Variants in MRTFB observed in about 807,000 individuals in gnomAD.
The protein encoded by MRTFB is myocardin-related transcription factor B.
Under a neutral mutation model 104.2 loss-of-function variants are expected in MRTFB, and 29 were observed. The ratio of observed to expected loss-of-function variants is 0.28; its 90% CI spans 0.21 to 0.38. The LOEUF (loss-of-function observed/expected upper bound fraction) is 0.38. MRTFB is among the 10% of genes least tolerant of loss of function. The pLI is 1.00. For synonymous variants in MRTFB, 535 were observed against 519.5 expected, an observed-to-expected ratio of 1.03 and a Z score of -0.41; for missense variants, 1,270 against 1,341.6, an observed-to-expected ratio of 0.95 and a Z score of 0.83.
chr16:14,189,542 A>G (rs939877086), intron 3 of MRTFB, among the ~76,000 whole-genome samples: 5 of 152,212 alleles, frequency 3.3e-5, no homozygotes, highest in Admixed American at 6.5e-5. Flanking sequence ...ACTATTAATA[A>G]TCCCTAATAG....
chr16:14,144,635 A>G (rs2038199152), intron 3 of MRTFB: 1 of 151,878 alleles, frequency 6.6e-6, no homozygotes, highest in East Asian at 1.9e-4. Flanking sequence ...TACATATTTC[A>G]AAAAAAAGTA....
rs1455667439 is a variant in MRTFB, at chr16:14,208,637, C to G, written c.155-1606C>G. 2.0e-5 allele frequency among the ~76,000 whole-genome samples: 3 copies of G among 152,102 alleles called. No homozygotes were observed. The East Asian group carries it at 5.8e-4, about 29-fold the overall frequency. On this transcript the variant is annotated intron_variant, in intron 3 of 16. Transcript: ENST00000571589. ...GATTCTGCTTCTTGAATATGATTAT[C>G]TTAAATGCAGACAAGCATTTACTTT...
intron 4 of MRTFB, among the ~76,000 whole-genome samples, chr16:14,211,262 T>TCCACCA (rs371631727): frequency 6.6e-6 from 1 of 151,980 alleles, no homozygotes; most frequent in Non-Finnish European, 1.5e-5. Context: ...GCCAGATTTC[T>TCCACCA]CCACCACCAC....
At chr16:14,205,290 C>T (rs1040793136) in intron 3 of MRTFB, among the ~76,000 whole-genome samples, 1 of 152,044 alleles carries the variant, frequency 6.6e-6, no homozygotes, top group African/African-American at 2.4e-5. Flanking sequence ...ATGCCTGGGA[C>T]CCAGGCTAGT....
At position 14,262,152 on chromosome 16, in the gene MRTFB, A is replaced by G. The variant is rs191527046; in HGVS notation, c.*708A>G. Reference sequence around the variant, plus strand: ...AAAATACTGTCAGAAGTCCAGGTATACTGATAACACTGAAAATTCTATTAG... The same window carrying G: ...AAAATACTGTCAGAAGTCCAGGTATGCTGATAACACTGAAAATTCTATTAG... On this transcript the variant is annotated 3_prime_UTR_variant, in exon 17 of 17. Transcript: ENST00000571589. 3.3e-5 allele frequency: 5 copies of G among 152,364 alleles called. No homozygotes were observed. Among genetic ancestry groups the G allele is most frequent in the Admixed American group, 3.3e-4 (5 of 15,306 alleles). 9.4% of individuals were successfully genotyped at this position (152,364 alleles called of 1,614,324 possible). A position where few individuals can be genotyped will look rare whatever the true frequency, so the allele number is the denominator to read the frequency against.
At chr16:14,169,481 ATT>A (rs2039353990) in intron 3 of MRTFB, among the ~76,000 whole-genome samples, 1 of 152,060 alleles carries the variant, frequency 6.6e-6, no homozygotes, top group South Asian at 2.1e-4. Flanking sequence ...TAATTATGAA[ATT>A]TTGGAGTTTT....
At chr16:14,164,236 C>T (rs1476050261) in intron 3 of MRTFB, among the ~76,000 whole-genome samples, 8 of 152,132 alleles carry the variant, frequency 5.3e-5, no homozygotes, top group South Asian at 2.1e-4. Flanking sequence ...CCTTCTCAGC[C>T]GCAGAACTAT....
intron 3 of MRTFB, among the ~76,000 whole-genome samples, chr16:14,164,196 A>G (rs552987351): frequency 1.3e-5 from 2 of 152,208 alleles, no homozygotes; most frequent in African/African-American, 2.4e-5. Flanking sequence ...ATCTCTCTTC[A>G]TCCCCAGCAC....
At chr16:14,250,250 G>A (rs1017502891) in intron 13 of MRTFB, among the ~76,000 whole-genome samples, 7 of 152,134 alleles carry the variant, frequency 4.6e-5, no homozygotes, top group Non-Finnish European at 8.8e-5. Context: ...AGATTGTACT[G>A]TTTGAGGTAT....
chr16:14,112,718 C>G (rs920106242), intron 2 of MRTFB, among the ~76,000 whole-genome samples: 34 of 152,314 alleles, frequency 2.2e-4, no homozygotes, highest in African/African-American at 7.0e-4. Context: ...GTTGAGCACA[C>G]CAGGGATATT....
At chr16:14,175,102 G>A (rs12930707) in intron 3 of MRTFB, among the ~76,000 whole-genome samples, 4,274 of 152,096 alleles carry the variant, frequency 0.028, 65 homozygotes, top group Non-Finnish European at 0.042. Context: ...ATTGTGTTAC[G>A]TAAAGGAATT....
At chr16:14,030,211 C>G in the MRTFB span, among the ~76,000 whole-genome samples, 1 of 152,172 alleles carries the variant, frequency 6.6e-6, no homozygotes, top group Non-Finnish European at 1.5e-5. Context: ...AGCGTTCAGT[C>G]CAAAGCCTTT....
intron 2 of MRTFB, among the ~76,000 whole-genome samples, chr16:14,086,337 A>C (rs1015266182): frequency 2.6e-5 from 4 of 152,188 alleles, no homozygotes; most frequent in Admixed American, 1.3e-4. Flanking sequence ...GGAATATGGG[A>C]TTCCAAAGAG....
At chr16:14,231,034 C>CA (rs1012183685) in intron 8 of MRTFB, among the ~76,000 whole-genome samples, 1 of 150,142 alleles carries the variant, frequency 6.7e-6, no homozygotes, top group African/African-American at 2.5e-5. Flanking sequence ...ATCACAAGAA[C>CA]AAAAAACCAA....
intron 10 of MRTFB, among the ~76,000 whole-genome samples, chr16:14,242,289 T>G (rs1047330758): frequency 6.6e-5 from 10 of 152,218 alleles, no homozygotes; most frequent in Middle Eastern, 3.4e-3. Flanking sequence ...TGTCTTTCCA[T>G]TAAGGCTTCA....
chr16:14,104,528 T>C (rs753447335), intron 2 of MRTFB, among the ~76,000 whole-genome samples: 4 of 152,212 alleles, frequency 2.6e-5, no homozygotes, highest in Non-Finnish European at 5.9e-5. Flanking sequence ...CTTTCAGATG[T>C]ATCAATAAAT....
rs1372931903 is a variant in MRTFB, at chr16:14,264,587, A to G, written c.*3143A>G. The G allele has an allele frequency of 1.3e-5, 2 of 152,228 alleles. No homozygotes were observed. The highest frequency in any genetic ancestry group is 4.8e-5 in the African/African-American group (2 of 41,460). The allele number at this position is 152,228 out of a possible 1,614,324, so 9.4% of individuals were successfully genotyped here. On this transcript the variant is annotated 3_prime_UTR_variant, in exon 17 of 17. Coordinates refer to ENST00000571589, the MANE Select transcript of MRTFB (RefSeq NM_001308142.2). ...TTAGATACTATTGTGTTTGTTTCAT[A>G]TGAATATTTTTGTAATTCTAAAAGA...
chr16:14,104,649 C>T (rs1325650401), intron 2 of MRTFB, among the ~76,000 whole-genome samples: 2 of 152,132 alleles, frequency 1.3e-5, no homozygotes, highest in African/African-American at 2.4e-5. Flanking sequence ...GAATTGTTTT[C>T]GTTTATATGC....
At chr16:14,228,625 C>G (rs1167384734) in intron 8 of MRTFB, among the ~76,000 whole-genome samples, 1 of 152,054 alleles carries the variant, frequency 6.6e-6, no homozygotes, top group Non-Finnish European at 1.5e-5. Flanking sequence ...TTGTATATCC[C>G]TGTTCATAGC....
Sources: gnomAD v4.1 joint callset for allele counts (sites outside exome capture counted in the v4.1 genomes callset) on GRCh38, gnomAD v4.1.1 for gene constraint, MANE v1.5 for transcripts, NCBI Gene and HGNC (gene_info 2026-07-23, HGNC 2026-07-21) for gene names.